PI4K2B: variants seen among roughly 807,000 people sequenced by gnomAD.
PI4K2B encodes the protein phosphatidylinositol 4-kinase type 2-beta.
A neutral mutation model predicts 56.6 loss-of-function variants in PI4K2B; 46 were observed. The observed-to-expected ratio is 0.81, with a 90% CI of 0.64 to 1.04. The LOEUF is 1.04. Among genes scored for constraint, PI4K2B ranks in the 50% least tolerant of loss-of-function variants. PI4K2B has a pLI of 0.00. For synonymous variants in PI4K2B, 211 were observed against 223.8 expected, an observed-to-expected ratio of 0.94 and a Z score of 0.51; for missense variants, 556 against 607.7, an observed-to-expected ratio of 0.91 and a Z score of 0.89.
Position 25,234,305 on chromosome 4 carries a change from A to C in PI4K2B, c.142A>C (p.Arg48=), listed in dbSNP as rs1387807995. ...PRRGAPGSAV[R]LLDAAGEEGE... ...GAGAGGCGCCCCAGGCAGCGCCGTG[A>C]GGCTGCTGGACGCTGCCGGGGAGGA... The change falls in exon 1 of 10, where the codon AGG becomes CGG. Residue 48 remains arginine (R), a synonymous_variant. Coordinates refer to ENST00000264864, the MANE Select transcript of PI4K2B (RefSeq NM_018323.4). The C allele has an allele frequency of 7.0e-7, 1 of 1,419,860 alleles. No individual in the cohort carries two copies. Among genetic ancestry groups the C allele is most frequent in the Admixed American group, 2.6e-5 (1 of 38,252 alleles). The allele number at this position is 1,419,860 out of a possible 1,614,324, so 88.0% of individuals were successfully genotyped here.
chr4:25,237,779 G>A (rs1474691012), intron 1 of PI4K2B, among the ~76,000 whole-genome samples: 8 of 152,180 alleles, frequency 5.3e-5, no homozygotes, highest in African/African-American at 1.2e-4. Context: ...TCAGGAGACC[G>A]AGGCAGGAGG....
chr4:25,264,399 T>A (rs1302841582), intron 7 of PI4K2B, among the ~76,000 whole-genome samples: 1 of 152,204 alleles, frequency 6.6e-6, no homozygotes, highest in African/African-American at 2.4e-5. Context: ...ATTAAAAAAA[T>A]TCCCTCTGTG....
At position 25,279,023 on chromosome 4, in the gene PI4K2B, T is replaced by C. The variant is rs1243247372; in HGVS notation, c.*1836T>C. On this transcript the variant is annotated 3_prime_UTR_variant, in exon 10 of 10. Transcript: ENST00000264864. Reference sequence around the variant, plus strand: ...TTCTTATTTAAATAGTATGGTTTTTTTTCAATAAGTATATTTATAGTGACA... The same window carrying C: ...TTCTTATTTAAATAGTATGGTTTTTCTTCAATAAGTATATTTATAGTGACA... 1 of 151,678 alleles carries C rather than the reference T, an allele frequency of 6.6e-6. No individual in the cohort carries two copies. Among genetic ancestry groups the C allele is most frequent in the Non-Finnish European group, 1.5e-5 (1 of 67,976 alleles). 9.4% of individuals were successfully genotyped at this position (151,678 alleles called of 1,614,324 possible).
intron 7 of PI4K2B, among the ~76,000 whole-genome samples, chr4:25,265,318 G>C (rs1029356603): frequency 1.3e-5 from 2 of 150,956 alleles, no homozygotes; most frequent in African/African-American, 4.9e-5. Context: ...GTTAAGCATC[G>C]GTCCTTCTAT....
At chr4:25,245,224 A>T (rs561605706) in intron 1 of PI4K2B, among the ~76,000 whole-genome samples, 2 of 152,300 alleles carry the variant, frequency 1.3e-5, no homozygotes, top group East Asian at 3.9e-4. Flanking sequence ...TAAAGAAGGT[A>T]ACAGTTTATA....
chr4:25,247,945 C>T (rs183435723), intron 1 of PI4K2B, among the ~76,000 whole-genome samples: 311 of 152,288 alleles, frequency 2.0e-3, no homozygotes, highest in African/African-American at 7.2e-3. Context: ...ACAAGTGACC[C>T]TCCTGCCTCA....
rs781358573 is a variant in PI4K2B, at chr4:25,260,572, A to G, written c.959A>G (p.Glu320Gly). Reference protein sequence around the residue: ...WLVRYEKQKCEKEIDHKESKW... With the variant: ...WLVRYEKQKCGKEIDHKESKW... ...GTCAGATACGAAAAGCAGAAATGTG[A>G]AAAGGAAATTGACCATAAGGTAAGG... is the stretch of plus-strand genomic sequence containing the variant. Residue 320 changes from glutamate (E) to glycine (G), a missense_variant, in exon 6 of 10, where the codon GAA (glutamate) becomes GGA (glycine). By Grantham distance (98) the Glu-to-Gly change is moderately conservative. Transcript: ENST00000264864. The G allele has an allele frequency of 9.9e-5, 136 of 1,371,736 alleles. No individual in the cohort carries two copies. Among genetic ancestry groups the G allele is most frequent in the Non-Finnish European group, 1.3e-4 (131 of 1,032,986 alleles). The allele number at this position is 1,371,736 out of a possible 1,614,324, so 85.0% of individuals were successfully genotyped here. A position where few individuals can be genotyped will look rare whatever the true frequency, so the allele number is the denominator to read the frequency against.
intron 6 of PI4K2B, among the ~76,000 whole-genome samples, chr4:25,260,949 C>G (rs1716453607): frequency 6.7e-6 from 1 of 149,932 alleles, no homozygotes; most frequent in African/African-American, 2.4e-5. Context: ...CTCAAGCAAT[C>G]CATCCGCCTT....
chr4:25,240,016 T>C (rs565868883), intron 1 of PI4K2B, among the ~76,000 whole-genome samples: 21 of 152,292 alleles, frequency 1.4e-4, no homozygotes, highest in Admixed American at 1.4e-3. Flanking sequence ...GTAAGACCAT[T>C]TGTAGCTTGA....
intron 1 of PI4K2B, 24 bp downstream of exon 1, chr4:25,234,455 C>G: frequency 7.9e-7 from 1 of 1,258,114 alleles, no homozygotes. Context: ...CTGCCCCACT[C>G]CCCGCGCCCC....
chr4:25,256,846 G>A (rs563659081), intron 4 of PI4K2B, among the ~76,000 whole-genome samples, 172 bp downstream of exon 4: 1 of 151,538 alleles, frequency 6.6e-6, no homozygotes, highest in African/African-American at 2.4e-5. Context: ...TTGAGATGAC[G>A]GTAAGTTCAG....
intron 4 of PI4K2B, among the ~76,000 whole-genome samples, chr4:25,258,028 T>A (rs1716317399): frequency 6.6e-6 from 1 of 152,192 alleles, no homozygotes; most frequent in African/African-American, 2.4e-5. Flanking sequence ...TACTTAAATT[T>A]TTATTTCCTT....
Position 25,269,194 on chromosome 4 carries a change from G to A in PI4K2B, c.1263G>A (p.Met421Ile), listed in dbSNP as rs1340022982. ...CTTTTGAAAGTCAGATGTCTGTGAT[G>A]AGGGGTCAGGTAAGTTACCTTTTTA... The part of the protein sequence containing the change: ...KATFESQMSV[M>I]RGQILNLTQA... Residue 421 changes from methionine (M) to isoleucine (I), a missense_variant, in exon 9 of 10, where the codon ATG (methionine) becomes ATA (isoleucine). Physicochemically the swap from Met to Ile is conservative, Grantham distance 10. Transcript: ENST00000264864. 3 of 1,551,066 alleles carry A rather than the reference G, an allele frequency of 1.9e-6. No homozygotes were observed. The highest frequency in any genetic ancestry group is 2.2e-5 in the East Asian group (1 of 44,510).
At chr4:25,259,249 G>T (rs1220089351) in intron 5 of PI4K2B, 59 bp downstream of exon 5, 4 of 1,167,366 alleles carry the variant, frequency 3.4e-6, no homozygotes, top group Non-Finnish European at 4.9e-6. Context: ...CTATATTCTT[G>T]TTATCCAAAT....
intron 2 of PI4K2B, 36 bp from the exon 3 acceptor site, chr4:25,255,029 A>T: frequency 7.2e-7 from 1 of 1,390,466 alleles, no homozygotes; most frequent in Non-Finnish European, 1.0e-6. Context: ...CTATATATGT[A>T]AAAAGTCTAA....
At chr4:25,243,569 C>T (rs1560367549) in intron 1 of PI4K2B, among the ~76,000 whole-genome samples, 1 of 152,176 alleles carries the variant, frequency 6.6e-6, no homozygotes, top group Non-Finnish European at 1.5e-5. Flanking sequence ...AATAATGCCT[C>T]TAGATTTTGT....
At chr4:25,275,777 G>A (rs551928994) in intron 9 of PI4K2B, among the ~76,000 whole-genome samples, 4 of 152,186 alleles carry the variant, frequency 2.6e-5, no homozygotes, top group Admixed American at 6.5e-5. Context: ...TTTTCCTGAT[G>A]TGTTAAATGC....
intron 6 of PI4K2B, among the ~76,000 whole-genome samples, chr4:25,263,082 CATGAGA>C (rs1053161333): frequency 5.9e-5 from 9 of 152,182 alleles, no homozygotes; most frequent in Non-Finnish European, 1.2e-4. Flanking sequence ...CATCAAATCT[CATGAGA>C]ACTCACTCAC....
chr4:25,249,821 G>A (rs1056547582), intron 1 of PI4K2B, among the ~76,000 whole-genome samples: 1 of 152,148 alleles, frequency 6.6e-6, no homozygotes, highest in Admixed American at 6.5e-5. Flanking sequence ...ACGGGGTGGC[G>A]GTCGGGCAGA....
Sources: allele counts gnomAD v4.1 joint callset (sites outside exome capture counted in the v4.1 genomes callset), GRCh38; gene constraint gnomAD v4.1.1; transcripts MANE v1.5; gene names NCBI Gene and HGNC (gene_info 2026-07-23, HGNC 2026-07-21).